HMCN1: variants seen among roughly 807,000 people sequenced by gnomAD.
The protein encoded by HMCN1 is hemicentin-1.
In HMCN1, 321 loss-of-function variants were observed where a neutral mutation model predicts 625.9. That is an observed-to-expected ratio of 0.51 (90% CI 0.47 to 0.56). The LOEUF is 0.56. HMCN1 is among the 20% of genes least tolerant of loss of function. HMCN1 has a pLI of 0.00. For missense variants in HMCN1, 6,588 were observed against 6,887.3 expected (o/e 0.96, Z 1.54); for synonymous variants, 2,425 against 2,417.6 (o/e 1.00, Z -0.09).
At chr1:186,015,515 A>C in intron 31 of HMCN1, 78 bp downstream of exon 31, 1 of 1,363,876 alleles carries the variant, frequency 7.3e-7, no homozygotes, top group Non-Finnish European at 1.0e-6. Context: ...TTTATTCACT[A>C]ATAGTCCTTG....
chr1:185,897,524 C>A (rs374381246), intron 4 of HMCN1, among the ~76,000 whole-genome samples: 1 of 152,190 alleles, frequency 6.6e-6, no homozygotes, highest in Non-Finnish European at 1.5e-5. Context: ...ACTTTAGTAT[C>A]TTTTCTGATA....
intron 68 of HMCN1, among the ~76,000 whole-genome samples, chr1:186,102,162 A>G (rs182941944): frequency 6.6e-6 from 1 of 152,190 alleles, no homozygotes; most frequent in Admixed American, 6.6e-5. Context: ...ACATGGAGCC[A>G]TTAAAATCTT....
intron 1 of HMCN1, among the ~76,000 whole-genome samples, chr1:185,737,993 A>AGCAGCACATGTG (rs1653709462): frequency 6.6e-6 from 1 of 152,196 alleles, no homozygotes; most frequent in African/African-American, 2.4e-5. Flanking sequence ...GTGTTGAACT[A>AGCAGCACATGTG]GCAGCACATG....
chr1:186,016,653 T>G (rs1654387436), intron 32 of HMCN1, among the ~76,000 whole-genome samples: 8 of 152,052 alleles, frequency 5.3e-5, no homozygotes, highest in Admixed American at 5.3e-4. Flanking sequence ...TGCCCAATTT[T>G]GGGGGTTTCT....
At position 186,084,609 on chromosome 1, in the gene HMCN1, C is replaced by T. The variant is rs559100047; in HGVS notation, c.8885-1637C>T. ...AGTCTGTTGGCATCTTAGGTTTTAG[C>T]TCTTTTCACTTTCCTTCATGGCCAG... On this transcript the variant is annotated intron_variant, in intron 57 of 106. Coordinates refer to ENST00000271588, the MANE Select transcript of HMCN1 (RefSeq NM_031935.3). Among the ~76,000 whole-genome samples, 5 of 152,118 alleles carry T rather than the reference C, an allele frequency of 3.3e-5. No individual in the cohort carries two copies. The East Asian group carries it at 7.7e-4, about 24-fold the overall frequency.
At chr1:185,767,067 G>A (rs1018944237) in intron 1 of HMCN1, among the ~76,000 whole-genome samples, 4 of 150,694 alleles carry the variant, frequency 2.7e-5, no homozygotes, top group Admixed American at 1.3e-4. Flanking sequence ...AATGTGTTTC[G>A]TGCTCTGAAT....
Position 185,895,264 on chromosome 1 carries a change from A to T in HMCN1, c.622-14073A>T, listed in dbSNP as rs1429394054. Among the ~76,000 whole-genome samples the T allele has an allele frequency of 8.5e-5, 13 of 152,326 alleles. No homozygotes were observed. In the East Asian group the frequency reaches 2.5e-3, roughly 29 times the overall value. On this transcript the variant is annotated intron_variant, in intron 4 of 106. Coordinates refer to ENST00000271588, the MANE Select transcript of HMCN1 (RefSeq NM_031935.3). ...AATCTTTGCATTAAATCCCTAATGA[A>T]TTAATAGTTCTTAGTGATTTTTTGT...
intron 11 of HMCN1, among the ~76,000 whole-genome samples, chr1:185,959,316 G>C (rs1055765699): frequency 3.9e-5 from 6 of 152,136 alleles, no homozygotes; most frequent in African/African-American, 1.2e-4. Flanking sequence ...CAGTTTCCAA[G>C]AGTTAGGTGA....
At chr1:185,805,901 C>G (rs1659142582) in intron 1 of HMCN1, among the ~76,000 whole-genome samples, 1 of 152,094 alleles carries the variant, frequency 6.6e-6, no homozygotes, top group Admixed American at 6.6e-5. Context: ...GTGCCACATT[C>G]ATGGTTAGGG....
At chr1:185,797,263 T>G (rs546113126) in intron 1 of HMCN1, among the ~76,000 whole-genome samples, 1 of 152,320 alleles carries the variant, frequency 6.6e-6, no homozygotes, top group African/African-American at 2.4e-5. Context: ...GATGCATACT[T>G]TGCAAATATG....
At chr1:186,186,485 C>G (rs1470442799) in intron 105 of HMCN1, among the ~76,000 whole-genome samples, 1 of 152,142 alleles carries the variant, frequency 6.6e-6, no homozygotes, top group East Asian at 1.9e-4. Flanking sequence ...TGAGATTGCA[C>G]CACTACACTC....
Position 186,053,932 on chromosome 1 carries a change from G to A in HMCN1, c.6808G>A (p.Val2270Met), listed in dbSNP as rs1657137678. ...EKSDAALYSC[V>M]ASNVAGTAKK... ...GTCTGATGCAGCACTCTATTCATGTGTGGCGTCGAATGTTGCTGGGACTGC... is the reference window on the plus strand; with the variant it reads ...GTCTGATGCAGCACTCTATTCATGTATGGCGTCGAATGTTGCTGGGACTGC... The change falls in exon 44 of 107, where the codon GTG becomes ATG. Residue 2270 changes from valine to methionine, a missense_variant. This residue lies in a region of HMCN1 where 4,628 missense variants were observed against 4,853.1 expected (regional missense o/e 0.95). Transcript: ENST00000271588. 1.9e-6 allele frequency: 3 copies of A among 1,612,674 alleles called. No individual in the cohort carries two copies. The highest frequency in any genetic ancestry group is 2.5e-6 in the Non-Finnish European group (3 of 1,179,244).
chr1:185,945,564 A>T (rs867498647), intron 11 of HMCN1, among the ~76,000 whole-genome samples: 2 of 152,340 alleles, frequency 1.3e-5, no homozygotes, highest in Non-Finnish European at 2.9e-5. Context: ...ATGTCATAAG[A>T]GCCATATTAG....
At chr1:185,775,297 G>T (rs1283733986) in intron 1 of HMCN1, among the ~76,000 whole-genome samples, 1 of 152,078 alleles carries the variant, frequency 6.6e-6, no homozygotes. Flanking sequence ...CAGCTACTTG[G>T]GAGACTGAAC....
chr1:185,952,457 G>A (rs1370977780), intron 11 of HMCN1, among the ~76,000 whole-genome samples: 1 of 151,694 alleles, frequency 6.6e-6, no homozygotes, highest in Non-Finnish European at 1.5e-5. Context: ...GGGAGGGAAA[G>A]AAGGAAGATT....
chr1:186,129,896 A>T, intron 83 of HMCN1, 70 bp from the exon 84 acceptor site: 1 of 1,589,202 alleles, frequency 6.3e-7, no homozygotes, highest in South Asian at 1.1e-5. Flanking sequence ...TAATGTGCAA[A>T]ATACTGAGCT....
In HMCN1 at chr1:185,866,356, T is replaced by A. The variant is rs142942824; in HGVS notation, c.621+493T>A. 3.1e-3 allele frequency among the ~76,000 whole-genome samples: 468 copies of A among 151,568 alleles called. 1 individual carries two copies. Among genetic ancestry groups the A allele is most frequent in the African/African-American group, 0.011 (444 of 41,410 alleles). On this transcript the variant is annotated intron_variant, in intron 4 of 106. Coordinates refer to ENST00000271588, the MANE Select transcript of HMCN1 (RefSeq NM_031935.3). ...TTTATAAATTATATTGTAAGAAAAT[T>A]TAGTATTTTCTTAAAAAGTCCTTTA...
intron 33 of HMCN1, among the ~76,000 whole-genome samples, chr1:186,017,608 A>T (rs544465441): frequency 6.6e-6 from 1 of 152,054 alleles, no homozygotes; most frequent in Non-Finnish European, 1.5e-5. Flanking sequence ...TTCACACATG[A>T]TTATAAAACT....
chr1:185,854,547 A>G (rs1302587344), intron 2 of HMCN1, among the ~76,000 whole-genome samples: 1 of 152,160 alleles, frequency 6.6e-6, no homozygotes, highest in East Asian at 1.9e-4. Context: ...TTTGGCAGGC[A>G]TATTACATTA....
Sources: gnomAD v4.1 joint callset for allele counts (sites outside exome capture counted in the v4.1 genomes callset) on GRCh38, gnomAD v4.1.1 for gene constraint, gnomAD v4.1.1 regional missense constraint, MANE v1.5 for transcripts, NCBI Gene and HGNC (gene_info 2026-07-23, HGNC 2026-07-21) for gene names.